Variants in KIF2C observed in about 807,000 individuals in gnomAD.
KIF2C encodes kinesin-like protein KIF2C.
Under a neutral mutation model 97.4 loss-of-function variants are expected in KIF2C, and 34 were observed. The ratio of observed to expected loss-of-function variants is 0.35; its 90% CI spans 0.27 to 0.46. The LOEUF (loss-of-function observed/expected upper bound fraction) is 0.46, where lower values mean the gene tolerates loss of function less well. Among genes scored for constraint, KIF2C ranks in the 20% least tolerant of loss-of-function variants. KIF2C has a pLI of 1.00. For missense variants in KIF2C, 750 were observed against 907.6 expected (o/e 0.83, Z 2.23); for synonymous variants, 313 against 318.2 (o/e 0.98, Z 0.17).
chr1:44,741,081 G>A, intron 2 of KIF2C, 74 bp downstream of exon 2: 1 of 1,168,080 alleles, frequency 8.6e-7, no homozygotes, highest in Non-Finnish European at 1.3e-6. Flanking sequence ...AGTGGAATCT[G>A]TGAGAGCCTA....
intron 11 of KIF2C, 95 bp from the exon 12 acceptor site, chr1:44,757,812 TG>T: frequency 7.5e-7 from 1 of 1,333,254 alleles, no homozygotes; most frequent in Non-Finnish European, 1.1e-6. Flanking sequence ...TCCAGCCTTC[TG>T]GCTTTGTTGT....
rs1338444296 is a variant in KIF2C, at chr1:44,751,545, G to A, written c.439+981G>A. On this transcript the variant is annotated intron_variant, in intron 5 of 20. Coordinates refer to ENST00000372224, the MANE Select transcript of KIF2C (RefSeq NM_006845.4). ...TTTTTTGAGACGGAATTTTGCTCTT[G>A]TTGCCCAGGCTGGAGGGCAATGACG... Among the ~76,000 whole-genome samples the A allele has an allele frequency of 3.7e-4, 43 of 117,560 alleles. 1 individual carries two copies. Among genetic ancestry groups the A allele is most frequent in the African/African-American group, 1.2e-3 (39 of 31,340 alleles). The allele number at this position is 117,560 out of a possible 152,430, so 77.1% of individuals were successfully genotyped here. A position where few individuals can be genotyped will look rare whatever the true frequency, so the allele number is the denominator to read the frequency against.
chr1:44,746,440 A>G (rs1287375121), intron 2 of KIF2C: 143 of 1,158,636 alleles, frequency 1.2e-4, no homozygotes, highest in Non-Finnish European at 1.5e-4. Context: ...TGGGCCCAGA[A>G]GAAAATGTAG....
chr1:44,766,671 T>C (rs1467880415), intron 19 of KIF2C, among the ~76,000 whole-genome samples, 155 bp from the exon 20 acceptor site: 1 of 152,134 alleles, frequency 6.6e-6, no homozygotes, highest in Non-Finnish European at 1.5e-5. Context: ...GAATTCAAGC[T>C]AAGGATTTCC....
At chr1:44,742,531 A>C (rs369040372) in intron 2 of KIF2C, among the ~76,000 whole-genome samples, 62 of 151,956 alleles carry the variant, frequency 4.1e-4, no homozygotes, top group Non-Finnish European at 7.2e-4. Context: ...CAGCCTGGCC[A>C]ACATAGCGAA....
chr1:44,750,697 C>T (rs1573559030), intron 5 of KIF2C, 133 bp downstream of exon 5: 3 of 1,038,038 alleles, frequency 2.9e-6, no homozygotes, highest in South Asian at 7.4e-5. Flanking sequence ...CCTACCAACA[C>T]GGCTTTCTTA....
Position 44,756,001 on chromosome 1 carries a change from A to G in KIF2C, c.814+18A>G, listed in dbSNP as rs769671540. 1.2e-6 allele frequency: 2 copies of G among 1,613,994 alleles called. No individual in the cohort carries two copies. Among genetic ancestry groups the G allele is most frequent in the East Asian group, 2.2e-5 (1 of 44,886 alleles). ...TAAGCAAGGTAAGTCCTGTTCAGTC[A>G]GGAAGAGGCTTCAGACTGACTAATG... On this transcript the variant is annotated intron_variant, in intron 9 of 20. Coordinates refer to ENST00000372224, the MANE Select transcript of KIF2C (RefSeq NM_006845.4).
rs553315019 is a variant in KIF2C at position 44,759,339 on chromosome 1, G to A, written c.1358G>A (p.Ser453Asn). The change falls in exon 14 of 21, where the codon AGC becomes AAC. Residue 453 changes from serine (S) to asparagine (N), a missense_variant. Physicochemically the swap from Ser to Asn is conservative, Grantham distance 46. Coordinates refer to ENST00000372224, the MANE Select transcript of KIF2C (RefSeq NM_006845.4). ...GTCATCAAGATGATCGACATGGGCA[G>A]CGCCTGCAGGTGAGAGTCCTGGTGA... ...DDVIKMIDMG[S>N]ACRTSGQTFA... The A allele has an allele frequency of 3.1e-6, 5 of 1,614,040 alleles. No individual in the cohort carries two copies. Among genetic ancestry groups the A allele is most frequent in the Non-Finnish European group, 4.2e-6 (5 of 1,180,022 alleles).
rs375014359 is a variant in KIF2C at position 44,762,000 on chromosome 1, C to G, written c.1751+17C>G. 6.2e-7 allele frequency: 1 copy of G among 1,605,626 alleles called. No individual in the cohort carries two copies. Among genetic ancestry groups the G allele is most frequent in the Non-Finnish European group, 8.5e-7 (1 of 1,172,200 alleles). ...TGCAGACAGGTACTAGTACCTACAG[C>G]TAGGTGGGATGCGGAACAGGACTGG... On this transcript the variant is annotated intron_variant, in intron 17 of 20. Transcript: ENST00000372224.
chr1:44,767,203 G>T lies in KIF2C; in HGVS notation c.*24G>T. 11 of 1,606,340 alleles carry T rather than the reference G, an allele frequency of 6.8e-6. No individual in the cohort carries two copies. The highest frequency in any genetic ancestry group is 8.5e-6 in the Non-Finnish European group (10 of 1,173,214). On this transcript the variant is annotated 3_prime_UTR_variant, in exon 21 of 21. Transcript: ENST00000372224. The stretch of plus-strand genomic sequence containing the variant: ...GACGACTGCAAATAAAAATCTGTTT[G>T]GTTTGACACCCAGCCTCTTCCCTGG...
intron 5 of KIF2C, among the ~76,000 whole-genome samples, chr1:44,752,670 A>T (rs1649590990): frequency 6.6e-6 from 1 of 152,218 alleles, no homozygotes; most frequent in South Asian, 2.1e-4. Context: ...GGTGTTGTGG[A>T]TTGGACCTTT....
At position 44,762,377 on chromosome 1, in the gene KIF2C, A is replaced by C; in HGVS notation, c.1783A>C (p.Ser595Arg). Reference sequence around the variant, plus strand: ...GGAGCTGAGCCCCCACAGTGGGCCCAGTGGAGAGCAGTTGATTCAAATGGA... The same window carrying C: ...GGAGCTGAGCCCCCACAGTGGGCCCCGTGGAGAGCAGTTGATTCAAATGGA... ...VKELSPHSGP[S>R]GEQLIQMETE... The change falls in exon 18 of 21, where the codon AGT (serine) becomes CGT (arginine). Residue 595 changes from serine to arginine, a missense_variant. By Grantham distance (110) the Ser-to-Arg change is moderately radical. Coordinates refer to ENST00000372224, the MANE Select transcript of KIF2C (RefSeq NM_006845.4). 2.5e-6 allele frequency: 4 copies of C among 1,614,090 alleles called. No individual in the cohort carries two copies. The highest frequency in any genetic ancestry group is 3.4e-6 in the Non-Finnish European group (4 of 1,179,960).
intron 16 of KIF2C, 31 bp from the exon 17 acceptor site, chr1:44,761,885 C>G: frequency 6.2e-7 from 1 of 1,609,578 alleles, no homozygotes. Context: ...CCGTGCCTCT[C>G]AGCCTTTAAT....
At chr1:44,758,812 G>A (rs929496031) in intron 13 of KIF2C, among the ~76,000 whole-genome samples, 2 of 152,154 alleles carry the variant, frequency 1.3e-5, no homozygotes, top group Non-Finnish European at 2.9e-5. Context: ...GGAGGCAGAG[G>A]TTGCAGTGAG....
In KIF2C at chr1:44,759,367, G is replaced by A. The variant is rs762355285; in HGVS notation, c.1367+19G>A. On this transcript the variant is annotated intron_variant, in intron 14 of 20. Transcript: ENST00000372224. ...CCTGCAGGTGAGAGTCCTGGTGAGG[G>A]GAAGGAGCGACCTTCTCATGTCTGG... 8 of 1,613,508 alleles carry A rather than the reference G, an allele frequency of 5.0e-6. 1 individual carries two copies. In the East Asian group the frequency reaches 1.8e-4, roughly 36 times the overall value.
chr1:44,740,906 T>C lies in KIF2C; in HGVS notation c.71-7T>C, dbSNP rs779603206. ...ATGGGTAACTCTGGTTTTTTCATAC[T>C]TTATAGGTTTAATTCACAGTGCCAA... On this transcript the variant is annotated splice_polypyrimidine_tract_variant and splice_region_variant and intron_variant, in intron 1 of 20. Coordinates refer to ENST00000372224, the MANE Select transcript of KIF2C (RefSeq NM_006845.4). 2.5e-6 allele frequency: 4 copies of C among 1,605,764 alleles called. No individual in the cohort carries two copies. The highest frequency in any genetic ancestry group is 1.1e-5 in the South Asian group (1 of 90,460).
chr1:44,762,256 G>A, intron 17 of KIF2C, 90 bp from the exon 18 acceptor site: 1 of 1,199,914 alleles, frequency 8.3e-7, no homozygotes, highest in East Asian at 2.3e-5. Flanking sequence ...TCCCCTTGGA[G>A]CCTCAAGCCT....
In KIF2C at chr1:44,746,630, A is replaced by C. The variant is rs1329712089; in HGVS notation, c.166-754A>C. 3.3e-6 allele frequency: 5 copies of C among 1,496,338 alleles called. No individual in the cohort carries two copies. In the African/African-American group the frequency reaches 7.0e-5, roughly 21 times the overall value. The allele number at this position is 1,496,338 out of a possible 1,614,324, so 92.7% of individuals were successfully genotyped here. A position where few individuals can be genotyped will look rare whatever the true frequency, so the allele number is the denominator to read the frequency against. On this transcript the variant is annotated intron_variant, in intron 2 of 20. Transcript: ENST00000372224. ...TCACTGCCCAGCAGATCAGCAGGGG[A>C]GCCAAGTGGCCTAGATCTGCTGTGG...
intron 2 of KIF2C, chr1:44,746,414 T>C (rs1306220530): frequency 8.8e-7 from 1 of 1,134,500 alleles, no homozygotes; most frequent in Admixed American, 4.8e-5. Context: ...CAGGAAGCCG[T>C]AACTGGGGAA....
Sources: allele counts gnomAD v4.1 joint callset (sites outside exome capture counted in the v4.1 genomes callset), GRCh38; gene constraint gnomAD v4.1.1; transcripts MANE v1.5; gene names NCBI Gene and HGNC (gene_info 2026-07-23, HGNC 2026-07-21).